Variants in SEMA4D observed in about 807,000 individuals in gnomAD.
The protein encoded by SEMA4D is semaphorin 4D.
Under a neutral mutation model 74.8 loss-of-function variants are expected in SEMA4D, and 22 were observed. The ratio of observed to expected loss-of-function variants is 0.29; its 90% CI spans 0.21 to 0.42. The LOEUF (loss-of-function observed/expected upper bound fraction) is 0.42, where lower values mean the gene tolerates loss of function less well. Among genes scored for constraint, SEMA4D ranks in the 10% least tolerant of loss-of-function variants. SEMA4D has a pLI of 1.00. For synonymous variants in SEMA4D, 445 were observed against 463.7 expected (o/e 0.96, Z 0.52); for missense variants, 937 against 1,118.4 (o/e 0.84, Z 2.31).
At chr9:89,391,121 T>C (rs1412695010) in intron 9 of SEMA4D, 143 bp downstream of exon 9, 10 of 777,254 alleles carry the variant, frequency 1.3e-5, no homozygotes, top group Non-Finnish European at 2.1e-5. Flanking sequence ...AGAAATAAGA[T>C]CCATTGAGAG....
intron 1 of SEMA4D, among the ~76,000 whole-genome samples, chr9:89,457,853 G>A (rs1046397998): frequency 9.3e-5 from 14 of 151,258 alleles, no homozygotes; most frequent in Admixed American, 8.6e-4. Flanking sequence ...CTAACACGGT[G>A]AAACCCCATC....
At chr9:89,407,835 C>A (rs1383587407) in intron 2 of SEMA4D, among the ~76,000 whole-genome samples, 1 of 152,372 alleles carries the variant, frequency 6.6e-6, no homozygotes, top group East Asian at 1.9e-4. Flanking sequence ...CCTGTCAACA[C>A]CACTTAGAAC....
chr9:89,440,505 T>TC (rs751717634), intron 2 of SEMA4D, among the ~76,000 whole-genome samples: 23 of 150,766 alleles, frequency 1.5e-4, no homozygotes, highest in Non-Finnish European at 1.5e-5. Flanking sequence ...AGCCCTACCC[T>TC]CCGCTTGCCC....
In SEMA4D at chr9:89,381,307, C is replaced by A; in HGVS notation, c.1486G>T (p.Val496Phe). Residue 496 changes from valine (V) to phenylalanine (F), a missense_variant, in exon 14 of 16, where the codon GTC (valine) becomes TTC (phenylalanine). Coordinates refer to ENST00000422704, the MANE Select transcript of SEMA4D (RefSeq NM_001371194.2). The surrounding 1 kb of genome is among the most constrained non-coding windows in gnomAD (Gnocchi z 4.6). ...CCACAGAAGGCCAGCGGGGCCTGGA[C>A]CACGCCCGAGTTAGAGCCAGCATAG... ...FVYAGSNSGVVQAPLAFCGKH... is the reference protein window; with the variant it reads ...FVYAGSNSGVFQAPLAFCGKH... 6.5e-7 allele frequency: 1 copy of A among 1,541,414 alleles called. No homozygotes were observed. Among genetic ancestry groups the A allele is most frequent in the Non-Finnish European group, 8.8e-7 (1 of 1,140,496 alleles).
At chr9:89,441,506 C>A (rs1325044831) in intron 2 of SEMA4D, among the ~76,000 whole-genome samples, 1 of 152,242 alleles carries the variant, frequency 6.6e-6, no homozygotes, top group Non-Finnish European at 1.5e-5. Context: ...TCGGTACCGG[C>A]CAGGCCCCCA....
chr9:89,378,507 T>C lies in SEMA4D; in HGVS notation c.*197A>G. 1.7e-6 allele frequency: 1 copy of C among 576,008 alleles called. No homozygotes were observed. The highest frequency in any genetic ancestry group is 3.1e-6 in the Non-Finnish European group (1 of 324,324). 35.7% of individuals were successfully genotyped at this position (576,008 alleles called of 1,614,324 possible). On this transcript the variant is annotated 3_prime_UTR_variant, in exon 16 of 16. Coordinates refer to ENST00000422704, the MANE Select transcript of SEMA4D (RefSeq NM_001371194.2). ...AGACTGGGATGCAATGCTTGTCATT[T>C]TTCCAAAAGGACAAAGAGAAACCAA...
chr9:89,370,621 G>A (rs1834434680), intron 16 of SEMA4D, among the ~76,000 whole-genome samples: 1 of 150,900 alleles, frequency 6.6e-6, no homozygotes, highest in Non-Finnish European at 1.5e-5. Context: ...TCTGGGATGT[G>A]TGTGGGGGGG....
intron 1 of SEMA4D, among the ~76,000 whole-genome samples, chr9:89,462,952 A>AGGGGAGGG (rs1564881735): frequency 2.2e-3 from 2 of 896 alleles, no homozygotes; most frequent in Non-Finnish European, 4.8e-3. Context: ...GAAAGAAAGG[A>AGGGGAGGG]GGGGGGAGCG....
At chr9:89,449,396 T>C (rs1201731864) in intron 2 of SEMA4D, among the ~76,000 whole-genome samples, 2 of 152,186 alleles carry the variant, frequency 1.3e-5, no homozygotes, top group Non-Finnish European at 2.9e-5. Flanking sequence ...GCCACAGGTA[T>C]AATTTCAGAT....
intron 2 of SEMA4D, among the ~76,000 whole-genome samples, chr9:89,413,617 G>A (rs1845016183): frequency 6.6e-6 from 1 of 152,248 alleles, no homozygotes; most frequent in African/African-American, 2.4e-5. Context: ...GCACATGCAT[G>A]TGTATGTCTG....
intron 2 of SEMA4D, among the ~76,000 whole-genome samples, chr9:89,431,001 T>C (rs1172744134): frequency 1.3e-5 from 2 of 151,898 alleles, no homozygotes; most frequent in African/African-American, 2.4e-5. Context: ...AAAAAACAAA[T>C]AGGCACCCAT....
At chr9:89,421,813 G>A (rs1847025387) in intron 2 of SEMA4D, among the ~76,000 whole-genome samples, 4 of 152,206 alleles carry the variant, frequency 2.6e-5, no homozygotes, top group Admixed American at 1.3e-4. Context: ...GTGTGTGTGT[G>A]TGTGGGTGTG....
At chr9:89,413,197 C>T (rs983858831) in intron 2 of SEMA4D, among the ~76,000 whole-genome samples, 2 of 152,192 alleles carry the variant, frequency 1.3e-5, no homozygotes, top group Admixed American at 1.3e-4. Flanking sequence ...TGAAATGTCA[C>T]TCTCATTACT....
intron 2 of SEMA4D, among the ~76,000 whole-genome samples, chr9:89,438,622 AT>A (rs2135002759): frequency 6.6e-6 from 1 of 152,292 alleles, no homozygotes; most frequent in Admixed American, 6.5e-5. Flanking sequence ...AAATCGAAGT[AT>A]TCTTTATGTT....
At chr9:89,479,063 T>C (rs1862510254) in intron 1 of SEMA4D, among the ~76,000 whole-genome samples, 1 of 152,196 alleles carries the variant, frequency 6.6e-6, no homozygotes, top group South Asian at 2.1e-4. Context: ...GGGGACTGAA[T>C]ACCAGGGCTG....
rs776279240 is a variant in SEMA4D at position 89,381,084 on chromosome 9, T to C, written c.1634A>G (p.Glu545Gly). Residue 545 changes from glutamate (E) to glycine (G), a missense_variant, in exon 15 of 16, where the codon GAG becomes GGG. By Grantham distance (98) the Glu-to-Gly change is moderately conservative. Transcript: ENST00000422704. This position sits in a 1 kb window ranked among gnomAD's most constrained non-coding sequence, Gnocchi z 4.6. ...TESPSRGLIQ[E>G]MSGDASVCPD... ...GCACACAGAAGCATCGCCGCTCATC[T>C]CCTGAATCAAACCCCTGCAAAACAA... The C allele has an allele frequency of 1.9e-6, 3 of 1,614,098 alleles. No individual in the cohort carries two copies. Among genetic ancestry groups the C allele is most frequent in the South Asian group, 2.2e-5 (2 of 91,082 alleles).
chr9:89,466,142 G>T (rs1264471080), intron 1 of SEMA4D, among the ~76,000 whole-genome samples: 1 of 152,128 alleles, frequency 6.6e-6, no homozygotes, highest in Non-Finnish European at 1.5e-5. Flanking sequence ...CCCTGGCCTG[G>T]CTAGGGGCTT....
In SEMA4D at chr9:89,379,175, T is replaced by C; in HGVS notation, c.2118A>G (p.Thr706=). 6.2e-7 allele frequency: 1 copy of C among 1,614,096 alleles called. No individual in the cohort carries two copies. Residue 706 remains threonine (T), a synonymous_variant, in exon 16 of 16, where the codon ACA becomes ACG. Coordinates refer to ENST00000422704, the MANE Select transcript of SEMA4D (RefSeq NM_001371194.2). ...TLPPKPAPTG[T]SCEPKIVINT... The stretch of plus-strand genomic sequence containing the variant: ...TGATGACGATCTTTGGTTCGCAGGA[T>C]GTGCCGGTGGGCGCAGGCTTGGGAG...
intron 1 of SEMA4D, among the ~76,000 whole-genome samples, chr9:89,459,584 G>A (rs898652395): frequency 6.6e-5 from 10 of 152,292 alleles, no homozygotes; most frequent in African/African-American, 2.4e-4. Context: ...CTGGAGAGAT[G>A]AGAATCCCCC....
Sources: allele counts gnomAD v4.1 joint callset (sites outside exome capture counted in the v4.1 genomes callset), GRCh38; gene constraint gnomAD v4.1.1; non-coding constraint Gnocchi (gnomAD v3.1); transcripts MANE v1.5; gene names NCBI Gene and HGNC (gene_info 2026-07-23, HGNC 2026-07-21).